Variants in RAB28 observed in about 807,000 individuals in gnomAD.
RAB28 encodes the protein RAB28, member RAS oncogene family.
RAB28 carries 24 observed loss-of-function variants against 31.7 expected under a neutral mutation model. The ratio of observed to expected loss-of-function variants is 0.76; its 90% confidence interval spans 0.55 to 1.06. The LOEUF (loss-of-function observed/expected upper bound fraction) is 1.06. RAB28 is among the 50% of genes least tolerant of loss of function. RAB28 has a pLI of 0.00. For synonymous variants in RAB28, 100 were observed against 90.4 expected (o/e 1.11, Z -0.60); for missense variants, 254 against 258.5 (o/e 0.98, Z 0.12).
intron 5 of RAB28, among the ~76,000 whole-genome samples, chr4:13,377,536 A>G (rs1023002518): frequency 2.6e-5 from 4 of 152,202 alleles, no homozygotes; most frequent in African/African-American, 9.7e-5. Flanking sequence ...AAGAGTGGTT[A>G]TAAAAGAAGA....
intron 3 of RAB28, among the ~76,000 whole-genome samples, chr4:13,467,459 A>G (rs1715916776): frequency 6.6e-6 from 1 of 151,950 alleles, no homozygotes; most frequent in Admixed American, 6.6e-5. Context: ...AGTAATAATA[A>G]TGCACTGGAT....
chr4:13,422,528 G>C (rs571924847), intron 4 of RAB28, among the ~76,000 whole-genome samples: 289 of 152,004 alleles, frequency 1.9e-3, no homozygotes, highest in African/African-American at 6.8e-3. Flanking sequence ...ACCAGATTAA[G>C]AAAATGTGGC....
chr4:13,451,096 G>C (rs1454432713), intron 4 of RAB28, among the ~76,000 whole-genome samples: 1 of 151,846 alleles, frequency 6.6e-6, no homozygotes, highest in Non-Finnish European at 1.5e-5. Flanking sequence ...TAGGCAGGAA[G>C]ACCACTTAAG....
chr4:13,419,290 C>T (rs1040796293), intron 4 of RAB28, among the ~76,000 whole-genome samples: 1 of 152,136 alleles, frequency 6.6e-6, no homozygotes, highest in Non-Finnish European at 1.5e-5. Flanking sequence ...GACTACCACA[C>T]AATAATAATG....
chr4:13,438,112 A>G (rs1714223698), intron 4 of RAB28, among the ~76,000 whole-genome samples: 1 of 152,162 alleles, frequency 6.6e-6, no homozygotes, highest in South Asian at 2.1e-4. Flanking sequence ...AAATATTAAG[A>G]GAGGATCTTC....
chr4:13,420,867 A>G (rs1196095787), intron 4 of RAB28, among the ~76,000 whole-genome samples: 3 of 152,196 alleles, frequency 2.0e-5, no homozygotes, highest in South Asian at 4.1e-4. Flanking sequence ...TTCCTTTCTC[A>G]CCAGTCCTAT....
chr4:13,454,063 T>C (rs182229150), intron 4 of RAB28, among the ~76,000 whole-genome samples: 1 of 152,250 alleles, frequency 6.6e-6, no homozygotes, highest in Admixed American at 6.5e-5. Context: ...GTCTGTGCTA[T>C]TTCAAAAGGC....
In RAB28 at chr4:13,455,873, G is replaced by A. The variant is rs148191915; in HGVS notation, c.391+4826C>T. On this transcript the variant is annotated intron_variant, in intron 4 of 6. Transcript: ENST00000330852. ...GGACAGGGGAGATGGAGCTGCAGAGGCTGGGTGTCTCCACACCACCCTTCT... is the reference window on the plus strand; with the variant it reads ...GGACAGGGGAGATGGAGCTGCAGAGACTGGGTGTCTCCACACCACCCTTCT... Among the ~76,000 whole-genome samples, 758 of 152,318 alleles carry A rather than the reference G, an allele frequency of 5.0e-3. 5 individuals are homozygous for A. Among genetic ancestry groups the A allele is most frequent in the Non-Finnish European group, 7.6e-3 (516 of 68,036 alleles).
intron 4 of RAB28, among the ~76,000 whole-genome samples, chr4:13,382,952 G>A (rs1453316081): frequency 2.0e-5 from 3 of 151,906 alleles, no homozygotes; most frequent in East Asian, 3.9e-4. Context: ...CACCCACCTC[G>A]GCCTCCCAAA....
chr4:13,378,754 T>C (rs909794718), intron 5 of RAB28, among the ~76,000 whole-genome samples: 1 of 151,860 alleles, frequency 6.6e-6, no homozygotes, highest in East Asian at 1.9e-4. Flanking sequence ...ACAGAAGATA[T>C]GAGAACAGAT....
intron 4 of RAB28, among the ~76,000 whole-genome samples, chr4:13,431,629 T>A (rs908357839): frequency 2.0e-5 from 3 of 151,752 alleles, no homozygotes; most frequent in African/African-American, 7.3e-5. Flanking sequence ...AATATATCGC[T>A]ACAACAAGCA....
At chr4:13,459,952 C>G (rs1715502948) in intron 4 of RAB28, 3 of 1,252,826 alleles carry the variant, frequency 2.4e-6, no homozygotes, top group Non-Finnish European at 3.1e-6. Context: ...CACACACTGT[C>G]AGAACTAAAC....
rs866398831 is a variant in RAB28, at chr4:13,414,928, C to T, written c.392-33334G>A. ...AACTTCCTTAATTTGATAAAGAATA[C>T]CAATTAGAAGCCAAAAACAAAATTC... On this transcript the variant is annotated intron_variant, in intron 4 of 6. Coordinates refer to ENST00000330852, the MANE Select transcript of RAB28 (RefSeq NM_001017979.3). 6.2e-4 allele frequency among the ~76,000 whole-genome samples: 94 copies of T among 152,140 alleles called. No individual in the cohort carries two copies. The Middle Eastern group carries it at 0.017, about 28-fold the overall frequency.
Position 13,420,888 on chromosome 4 carries a change from G to A in RAB28, c.392-39294C>T, listed in dbSNP as rs185099579. 2.8e-3 allele frequency among the ~76,000 whole-genome samples: 419 copies of A among 152,312 alleles called. 3 individuals are homozygous for A. The highest frequency in any genetic ancestry group is 3.7e-3 in the Non-Finnish European group (251 of 68,028). ...TCTCACCAGTCCTATTCAACATAGT[G>A]TTGGAAGTTCTGGCCGAGCAATCAG... On this transcript the variant is annotated intron_variant, in intron 4 of 6. Coordinates refer to ENST00000330852, the MANE Select transcript of RAB28 (RefSeq NM_001017979.3).
intron 3 of RAB28, among the ~76,000 whole-genome samples, chr4:13,468,808 T>G (rs1307627205): frequency 6.7e-6 from 1 of 148,634 alleles, no homozygotes; most frequent in Non-Finnish European, 1.5e-5. Flanking sequence ...ATCAATAAAA[T>G]TGACAAACCT....
chr4:13,442,991 T>C (rs1014762109), intron 4 of RAB28, among the ~76,000 whole-genome samples: 2 of 152,214 alleles, frequency 1.3e-5, no homozygotes, highest in African/African-American at 4.8e-5. Context: ...CAGAACATAG[T>C]ATAAAATAAA....
intron 3 of RAB28, among the ~76,000 whole-genome samples, chr4:13,465,331 T>C (rs954316567): frequency 6.6e-6 from 1 of 150,928 alleles, no homozygotes; most frequent in Non-Finnish European, 1.5e-5. Flanking sequence ...AAAAACTCTA[T>C]ACCTAGGCAT....
At chr4:13,394,929 C>A (rs1005592785) in intron 4 of RAB28, among the ~76,000 whole-genome samples, 11 of 152,138 alleles carry the variant, frequency 7.2e-5, no homozygotes, top group African/African-American at 2.7e-4. Context: ...CTCATAACAA[C>A]CTTGGCGAAT....
At chr4:13,376,689 A>G (rs1409880891) in intron 5 of RAB28, 67 bp from the exon 6 acceptor site, 2 of 1,079,362 alleles carry the variant, frequency 1.9e-6, no homozygotes, top group African/African-American at 3.2e-5. Context: ...AAATAAACAG[A>G]ATTTTCTTAA....
Sources: gnomAD v4.1 joint callset for allele counts (sites outside exome capture counted in the v4.1 genomes callset) on GRCh38, gnomAD v4.1.1 for gene constraint, MANE v1.5 for transcripts, NCBI Gene and HGNC (gene_info 2026-07-23, HGNC 2026-07-21) for gene names.